The following CEP112 variants were observed in gnomAD, a reference collection of about 807,000 sequenced individuals.
CEP112 encodes the protein centrosomal protein of 112 kDa.
CEP112 carries 127 observed loss-of-function variants against 153.0 expected under a neutral mutation model. The observed-to-expected ratio is 0.83, with a 90% CI of 0.72 to 0.96. CEP112 has a LOEUF of 0.96. Among genes scored for constraint, CEP112 ranks in the 40% least tolerant of loss-of-function variants. The pLI, the probability that CEP112 is intolerant of heterozygous loss-of-function variation, is 0.00. For missense variants in CEP112, 1,089 were observed against 1,101.2 expected, an observed-to-expected ratio of 0.99 and a Z score of 0.16; for synonymous variants, 358 against 374.4, an observed-to-expected ratio of 0.96 and a Z score of 0.51.
chr17:65,825,425 G>A (rs1415566148), intron 21 of CEP112, among the ~76,000 whole-genome samples: 1 of 152,100 alleles, frequency 6.6e-6, no homozygotes, highest in Non-Finnish European at 1.5e-5. Context: ...TGTGCAGCCT[G>A]GTTCCTAACA....
chr17:65,832,138 A>G (rs1157485205), intron 21 of CEP112, among the ~76,000 whole-genome samples: 1 of 152,182 alleles, frequency 6.6e-6, no homozygotes, highest in Non-Finnish European at 1.5e-5. Flanking sequence ...GTTCTTTAAA[A>G]CTAATGAAAA....
intron 12 of CEP112, among the ~76,000 whole-genome samples, chr17:66,047,037 G>C (rs2066240176): frequency 6.6e-6 from 1 of 152,206 alleles, no homozygotes; most frequent in Non-Finnish European, 1.5e-5. Context: ...ATTTGCCACA[G>C]CAGCCCTAGG....
intron 12 of CEP112, among the ~76,000 whole-genome samples, chr17:66,042,893 G>A (rs2066046435): frequency 1.3e-5 from 2 of 152,060 alleles, no homozygotes; most frequent in Admixed American, 1.3e-4. Flanking sequence ...ATGATGAATT[G>A]GTGCTATTTG....
Position 65,679,176 on chromosome 17 carries a change from A to T in CEP112, c.2697+9953T>A, listed in dbSNP as rs561768846. On this transcript the variant is annotated intron_variant, in intron 24 of 26. Coordinates refer to ENST00000535342, the MANE Select transcript of CEP112 (RefSeq NM_001199165.4). Reference sequence around the variant, plus strand: ...TTTTTTTTTTTTTTTTTTTTTCAGAAAACAGAGGCAAGTGTTCAAACTGTC... The same window carrying T: ...TTTTTTTTTTTTTTTTTTTTTCAGATAACAGAGGCAAGTGTTCAAACTGTC... 4.0e-4 allele frequency among the ~76,000 whole-genome samples: 30 copies of T among 75,908 alleles called. No homozygotes were observed. In the East Asian group the frequency reaches 0.011, roughly 28 times the overall value. The allele number at this position is 75,908 out of a possible 152,430, so 49.8% of individuals were successfully genotyped here.
intron 21 of CEP112, among the ~76,000 whole-genome samples, chr17:65,820,321 G>T (rs2056469124): frequency 6.6e-6 from 1 of 151,804 alleles, no homozygotes; most frequent in African/African-American, 2.4e-5. Flanking sequence ...TCCCAGCATT[G>T]TACCCTAAAG....
At chr17:65,894,387 C>T (rs1165541292) in intron 20 of CEP112, among the ~76,000 whole-genome samples, 6 of 152,008 alleles carry the variant, frequency 3.9e-5, no homozygotes. Flanking sequence ...TAATTATACC[C>T]TTGTATCGGT....
intron 19 of CEP112, among the ~76,000 whole-genome samples, chr17:65,920,359 C>CAAACAAACAAACAAA (rs1178505560): frequency 3.4e-5 from 1 of 29,830 alleles, no homozygotes; most frequent in African/African-American, 1.3e-4. Flanking sequence ...AACAAACAAA[C>CAAACAAACAAACAAA]AAAATATATA....
intron 4 of CEP112, among the ~76,000 whole-genome samples, chr17:66,148,092 A>G (rs917714053): frequency 6.6e-6 from 1 of 152,216 alleles, no homozygotes; most frequent in Non-Finnish European, 1.5e-5. Flanking sequence ...TAATGGACTC[A>G]CAGGTCCACA....
chr17:66,045,683 A>G (rs1949447), intron 12 of CEP112, among the ~76,000 whole-genome samples: 113,583 of 152,118 alleles, frequency 0.75, 45,085 homozygotes, highest in East Asian at 0.91. Context: ...AAATATGCAG[A>G]CAGATGTGTG....
At chr17:66,168,443 G>GTGTGTGTATATATGTA (rs2072084042) in intron 4 of CEP112, among the ~76,000 whole-genome samples, 1 of 145,994 alleles carries the variant, frequency 6.8e-6, no homozygotes, top group Non-Finnish European at 1.5e-5. Context: ...GTATATATAT[G>GTGTGTGTATATATGTA]TGTGTGTATA....
chr17:66,177,195 C>G (rs940881792), intron 2 of CEP112, among the ~76,000 whole-genome samples, 175 bp from the exon 3 acceptor site: 1 of 152,226 alleles, frequency 6.6e-6, no homozygotes, highest in African/African-American at 2.4e-5. Context: ...TCTGGCATAA[C>G]TACTCTGCCA....
chr17:65,807,292 C>T (rs2055666022), intron 21 of CEP112, among the ~76,000 whole-genome samples: 4 of 152,184 alleles, frequency 2.6e-5, no homozygotes, highest in Admixed American at 2.0e-4. Flanking sequence ...AGTGTATGCT[C>T]ATATGCATGA....
chr17:65,994,754 C>A (rs2063722055), intron 17 of CEP112, among the ~76,000 whole-genome samples: 1 of 152,154 alleles, frequency 6.6e-6, no homozygotes, highest in Non-Finnish European at 1.5e-5. Flanking sequence ...ACACTCATGG[C>A]ACTTCCTTGA....
chr17:66,026,415 T>C (rs2065213802), intron 16 of CEP112, among the ~76,000 whole-genome samples: 1 of 152,044 alleles, frequency 6.6e-6, no homozygotes, highest in Non-Finnish European at 1.5e-5. Context: ...CAAGGAACAA[T>C]TGCTAATCTT....
At chr17:65,828,247 C>A (rs1335070092) in intron 21 of CEP112, among the ~76,000 whole-genome samples, 1 of 152,234 alleles carries the variant, frequency 6.6e-6, no homozygotes, top group Non-Finnish European at 1.5e-5. Flanking sequence ...AGTCTCCCTG[C>A]AACTTTTAGC....
At chr17:65,737,449 G>A (rs1365237015) in intron 23 of CEP112, among the ~76,000 whole-genome samples, 1 of 152,186 alleles carries the variant, frequency 6.6e-6, no homozygotes, top group African/African-American at 2.4e-5. Context: ...CTGGCTGACA[G>A]TAGGGGAGAC....
At chr17:66,159,688 G>A (rs753545701) in intron 4 of CEP112, among the ~76,000 whole-genome samples, 2 of 152,114 alleles carry the variant, frequency 1.3e-5, no homozygotes, top group Non-Finnish European at 2.9e-5. Flanking sequence ...ACTAGGTATT[G>A]ATGGAATGTA....
chr17:65,917,630 T>C (rs1430855686), intron 19 of CEP112, among the ~76,000 whole-genome samples: 1 of 152,108 alleles, frequency 6.6e-6, no homozygotes, highest in Non-Finnish European at 1.5e-5. Context: ...AAGAAAAACC[T>C]CAGTAATAAG....
chr17:66,013,502 G>T (rs556129783), intron 16 of CEP112, among the ~76,000 whole-genome samples: 4 of 152,154 alleles, frequency 2.6e-5, no homozygotes, highest in Non-Finnish European at 5.9e-5. Context: ...AGGAGCCAAG[G>T]CTCAGCTCAA....
Sources: gnomAD v4.1 joint callset for allele counts (sites outside exome capture counted in the v4.1 genomes callset) on GRCh38, gnomAD v4.1.1 for gene constraint, MANE v1.5 for transcripts, NCBI Gene and HGNC (gene_info 2026-07-23, HGNC 2026-07-21) for gene names.